ANKS1B: variants seen among roughly 807,000 people sequenced by gnomAD.
ANKS1B encodes ankyrin repeat and sterile alpha motif domain containing 1B, also known as ankyrin repeat and sterile alpha motif domain-containing protein 1B.
Under a neutral mutation model 148.3 loss-of-function variants are expected in ANKS1B, and 36 were observed. The observed-to-expected ratio is 0.24, with a 90% CI of 0.19 to 0.32. The LOEUF (loss-of-function observed/expected upper bound fraction) is 0.32, where lower values mean the gene tolerates loss of function less well. ANKS1B is among the 10% of genes least tolerant of loss of function. The pLI, the probability that ANKS1B is intolerant of heterozygous loss-of-function variation, is 1.00. For synonymous variants in ANKS1B, 542 were observed against 560.8 expected (o/e 0.97, Z 0.47); for missense variants, 1,157 against 1,542.6 (o/e 0.75, Z 4.19).
chr12:99,980,447 TCAAA>T (rs1181225640), intron 1 of ANKS1B, among the ~76,000 whole-genome samples: 1 of 152,022 alleles, frequency 6.6e-6, no homozygotes, highest in Non-Finnish European at 1.5e-5. Flanking sequence ...TTATAAGTGT[TCAAA>T]CAAACTTATT....
At chr12:98,779,935 T>C (rs2098717349) in intron 24 of ANKS1B, among the ~76,000 whole-genome samples, 2 of 152,216 alleles carry the variant, frequency 1.3e-5, no homozygotes, top group South Asian at 4.1e-4. Context: ...TTCAGAACTT[T>C]TTCTATAACC....
chr12:99,926,264 C>T (rs951116098), intron 1 of ANKS1B, among the ~76,000 whole-genome samples: 6 of 152,200 alleles, frequency 3.9e-5, no homozygotes, highest in Non-Finnish European at 5.9e-5. Context: ...CTAGCAAGTA[C>T]CACCTTGCGA....
chr12:98,787,862 G>A (rs551685420), intron 22 of ANKS1B, among the ~76,000 whole-genome samples: 2 of 151,802 alleles, frequency 1.3e-5, no homozygotes, highest in South Asian at 4.2e-4. Flanking sequence ...AGAGGTTGCA[G>A]TGAGCTGAGT....
At chr12:99,433,953 C>T (rs1452713461) in intron 11 of ANKS1B, among the ~76,000 whole-genome samples, 5 of 152,068 alleles carry the variant, frequency 3.3e-5, no homozygotes, top group African/African-American at 7.2e-5. Flanking sequence ...CATTTTCATA[C>T]TCAAATCACC....
rs1202397358 is a variant in ANKS1B, at chr12:99,953,796, T to C, written c.134+30308A>G. ...CAGATATGCAGGGAAAGAGAAAGAA[T>C]AAAAGCAGAGGTAGAGAGAGACACC... On this transcript the variant is annotated intron_variant, in intron 1 of 26. Coordinates refer to ENST00000683438, the MANE Select transcript of ANKS1B (RefSeq NM_001352186.2). 3.3e-5 allele frequency among the ~76,000 whole-genome samples: 5 copies of C among 152,036 alleles called. No homozygotes were observed. The East Asian group carries it at 9.6e-4, about 29-fold the overall frequency.
chr12:99,090,145 T>A (rs943413021), intron 15 of ANKS1B, among the ~76,000 whole-genome samples: 11 of 152,168 alleles, frequency 7.2e-5, no homozygotes, highest in African/African-American at 2.2e-4. Flanking sequence ...CCAAATAGAA[T>A]GAAAAGCAGT....
intron 24 of ANKS1B, among the ~76,000 whole-genome samples, chr12:98,774,600 C>T (rs550014644): frequency 6.6e-6 from 1 of 152,224 alleles, no homozygotes; most frequent in Non-Finnish European, 1.5e-5. Context: ...AGATCTAAAA[C>T]CCTCGATGCT....
chr12:98,866,913 G>C (rs1465370309), intron 17 of ANKS1B, among the ~76,000 whole-genome samples: 3 of 152,100 alleles, frequency 2.0e-5, no homozygotes, highest in South Asian at 2.1e-4. Context: ...TTTGAATATG[G>C]GCAAGGATCA....
chr12:99,562,487 C>T (rs1005006582), intron 9 of ANKS1B, among the ~76,000 whole-genome samples: 3 of 152,144 alleles, frequency 2.0e-5, no homozygotes, highest in Admixed American at 1.3e-4. Context: ...AATGTGGCCA[C>T]GTTACTAATC....
intron 12 of ANKS1B, among the ~76,000 whole-genome samples, chr12:99,387,156 A>C (rs553711148): frequency 4.9e-4 from 75 of 152,278 alleles, no homozygotes; most frequent in African/African-American, 1.8e-3. Context: ...GGTGGGAGTT[A>C]AAGAAGGCTT....
intron 9 of ANKS1B, among the ~76,000 whole-genome samples, chr12:99,553,179 ACTAG>A (rs951167135): frequency 7.2e-5 from 11 of 152,244 alleles, no homozygotes; most frequent in African/African-American, 2.4e-4. Context: ...ATAAATTTTT[ACTAG>A]CTAAACGAAG....
chr12:98,904,908 G>C (rs2099776876), intron 17 of ANKS1B, among the ~76,000 whole-genome samples: 1 of 151,814 alleles, frequency 6.6e-6, no homozygotes, highest in African/African-American at 2.4e-5. Context: ...GCAAAGTTAA[G>C]TAATTTTCCA....
chr12:99,544,044 G>C (rs11109911), intron 9 of ANKS1B, among the ~76,000 whole-genome samples: 85 of 152,066 alleles, frequency 5.6e-4, no homozygotes, highest in Non-Finnish European at 1.1e-3. Flanking sequence ...AAAATATATA[G>C]AGAGAAACAT....
intron 9 of ANKS1B, among the ~76,000 whole-genome samples, chr12:99,570,451 TC>T (rs2097441613): frequency 6.6e-6 from 1 of 151,836 alleles, no homozygotes; most frequent in East Asian, 1.9e-4. Context: ...ATCAAGACCA[TC>T]CTGGTTAACA....
At chr12:99,022,124 C>G (rs1279664569) in intron 17 of ANKS1B, among the ~76,000 whole-genome samples, 6 of 152,208 alleles carry the variant, frequency 3.9e-5, no homozygotes, top group African/African-American at 1.4e-4. Flanking sequence ...CCCAGGCACA[C>G]AGTTACAGCG....
intron 17 of ANKS1B, among the ~76,000 whole-genome samples, chr12:99,002,124 T>G (rs2099933354): frequency 6.6e-6 from 1 of 152,238 alleles, no homozygotes; most frequent in South Asian, 2.1e-4. Flanking sequence ...GATACAGATA[T>G]TTCTTCAAGA....
chr12:99,450,537 T>C (rs1054758084), intron 10 of ANKS1B, among the ~76,000 whole-genome samples: 5 of 152,198 alleles, frequency 3.3e-5, no homozygotes, highest in Admixed American at 3.3e-4. Context: ...ATGTTTTTTT[T>C]CTGAGTATTT....
chr12:99,551,942 C>A lies in ANKS1B; in HGVS notation c.1273-47301G>T, dbSNP rs139423909. Among the ~76,000 whole-genome samples the A allele has an allele frequency of 2.9e-3, 441 of 152,182 alleles. 2 individuals are homozygous for A. The highest frequency in any genetic ancestry group is 9.8e-3 in the African/African-American group (409 of 41,534). ...CTCTCCAGATTTAAGGGCCACCTCC[C>A]CCCACCACACACACACATCTGAAAC... is the stretch of plus-strand genomic sequence containing the variant. On this transcript the variant is annotated intron_variant, in intron 9 of 26. Coordinates refer to ENST00000683438, the MANE Select transcript of ANKS1B (RefSeq NM_001352186.2).
At chr12:99,215,795 A>G (rs1308008737) in intron 14 of ANKS1B, among the ~76,000 whole-genome samples, 2 of 152,228 alleles carry the variant, frequency 1.3e-5, no homozygotes, top group Admixed American at 6.5e-5. Context: ...GCTCATGGGC[A>G]GAAGAGACTT....
Sources: allele counts gnomAD v4.1 joint callset (sites outside exome capture counted in the v4.1 genomes callset), GRCh38; gene constraint gnomAD v4.1.1; transcripts MANE v1.5; gene names NCBI Gene and HGNC (gene_info 2026-07-23, HGNC 2026-07-21).